The following CA10 variants were observed in gnomAD, a reference collection of about 807,000 sequenced individuals.
The protein encoded by CA10 is carbonic anhydrase 10 (inactive).
In CA10, 14 loss-of-function variants were observed where a neutral mutation model predicts 44.2. The observed-to-expected ratio is 0.32, with a 90% confidence interval of 0.21 to 0.50. CA10 has a LOEUF of 0.50. Among genes scored for constraint, CA10 ranks in the 20% least tolerant of loss-of-function variants. The probability of loss-of-function intolerance (pLI) is 0.99; values close to 1 mark genes in which losing one functional copy is unlikely to be tolerated. For missense variants in CA10, 350 were observed against 409.7 expected (o/e 0.85, Z 1.26); for synonymous variants, 159 against 141.6 (o/e 1.12, Z -0.87).
At chr17:51,825,170 C>T (rs139504471) in intron 3 of CA10, among the ~76,000 whole-genome samples, 25 of 152,340 alleles carry the variant, frequency 1.6e-4, no homozygotes, top group Non-Finnish European at 3.1e-4. Flanking sequence ...AGCCTCGCTG[C>T]ATTTTCCTGT....
At chr17:51,989,571 G>A (rs1984967747) in intron 2 of CA10, among the ~76,000 whole-genome samples, 1 of 152,058 alleles carries the variant, frequency 6.6e-6, no homozygotes, top group African/African-American at 2.4e-5. Flanking sequence ...ATCAGTGAGA[G>A]ACTGGATAAA....
At chr17:52,039,281 C>T (rs929774336) in intron 2 of CA10, among the ~76,000 whole-genome samples, 1 of 151,418 alleles carries the variant, frequency 6.6e-6, no homozygotes, top group Admixed American at 6.6e-5. Context: ...AGATTAAGTT[C>T]CTATTCTCAC....
At chr17:52,037,919 T>G (rs1986663404) in intron 2 of CA10, among the ~76,000 whole-genome samples, 5 of 152,194 alleles carry the variant, frequency 3.3e-5, no homozygotes, top group Admixed American at 2.6e-4. Flanking sequence ...ACTACTATCC[T>G]CTGGCCCAAA....
At chr17:51,667,657 T>C (rs1163774005) in intron 4 of CA10, among the ~76,000 whole-genome samples, 1 of 152,162 alleles carries the variant, frequency 6.6e-6, no homozygotes, top group African/African-American at 2.4e-5. Context: ...AGGATGCAGC[T>C]GATTCTTTTC....
intron 2 of CA10, among the ~76,000 whole-genome samples, chr17:52,011,483 A>G (rs1480879923): frequency 2.0e-5 from 3 of 152,088 alleles, no homozygotes; most frequent in Admixed American, 6.6e-5. Context: ...CCATCTTAAG[A>G]AGAAGTTATA....
rs1415037574 is a variant in CA10 at position 51,631,352 on chromosome 17, A to G, written c.*232T>C. 2 of 573,304 alleles carry G rather than the reference A, an allele frequency of 3.5e-6. No homozygotes were observed. Among genetic ancestry groups the G allele is most frequent in the Admixed American group, 3.4e-5 (1 of 29,828 alleles). The allele number at this position is 573,304 out of a possible 1,614,324, so 35.5% of individuals were successfully genotyped here. A position where few individuals can be genotyped will look rare whatever the true frequency, so the allele number is the denominator to read the frequency against. ...TGTGTGTGTGTGTAGGTATGTTTGC[A>G]TGTGTTTGTATGTATGTGCAAGTGC... On this transcript the variant is annotated 3_prime_UTR_variant, in exon 9 of 9. Coordinates refer to ENST00000451037, the MANE Select transcript of CA10 (RefSeq NM_020178.5).
intron 2 of CA10, among the ~76,000 whole-genome samples, chr17:51,932,910 TTA>T (rs1435030029): frequency 2.0e-5 from 3 of 152,074 alleles, no homozygotes; most frequent in Non-Finnish European, 2.9e-5. Flanking sequence ...CTACTTTTTT[TTA>T]AAAAAAACAC....
chr17:51,737,651 G>A (rs917087364), intron 4 of CA10, among the ~76,000 whole-genome samples: 1 of 152,154 alleles, frequency 6.6e-6, no homozygotes, highest in Non-Finnish European at 1.5e-5. Context: ...AAGTGGCAGA[G>A]AGGAGTGCTG....
chr17:51,632,942 A>C (rs1912649539), intron 8 of CA10, among the ~76,000 whole-genome samples: 1 of 152,160 alleles, frequency 6.6e-6, no homozygotes, highest in Admixed American at 6.5e-5. Context: ...ACACTCACAA[A>C]TTACCCCATT....
intron 4 of CA10, among the ~76,000 whole-genome samples, chr17:51,683,915 T>C (rs1314412935): frequency 1.3e-5 from 2 of 152,194 alleles, no homozygotes; most frequent in Non-Finnish European, 2.9e-5. Context: ...TCAGAGAACC[T>C]TCAGACTCCT....
At chr17:51,836,328 C>T (rs1908475640) in intron 3 of CA10, among the ~76,000 whole-genome samples, 1 of 152,206 alleles carries the variant, frequency 6.6e-6, no homozygotes, top group Non-Finnish European at 1.5e-5. Context: ...GATCTTTCTT[C>T]CAAAGACCCC....
In CA10 at chr17:51,671,401, T is replaced by TTTTGCA. The variant is rs1555582505; in HGVS notation, c.466-17666_466-17665insTGCAAA. On this transcript the variant is annotated intron_variant, in intron 4 of 8. Coordinates refer to ENST00000451037, the MANE Select transcript of CA10 (RefSeq NM_020178.5). ...CAGTTTCACACATTTGGGTCATTTTTTTTGTTTTTGTTTTTGTTTTTGAGA... is the reference window on the plus strand; with the variant it reads ...CAGTTTCACACATTTGGGTCATTTTTTTTGCATTTGTTTTTGTTTTTGTTTTTGAGA... Among the ~76,000 whole-genome samples the TTTTGCA allele has an allele frequency of 1.7e-3, 263 of 151,024 alleles. 2 individuals are homozygous for TTTTGCA. The highest frequency in any genetic ancestry group is 0.017 in the South Asian group (81 of 4,754).
chr17:52,056,686 A>G (rs1450097891), intron 2 of CA10, among the ~76,000 whole-genome samples: 1 of 151,980 alleles, frequency 6.6e-6, no homozygotes. Context: ...TCTGCTTGAC[A>G]AAAAGGAATA....
chr17:51,786,843 C>T (rs892993388), intron 3 of CA10, among the ~76,000 whole-genome samples: 3 of 150,164 alleles, frequency 2.0e-5, no homozygotes, highest in South Asian at 2.1e-4. Context: ...TGGTGAGGTA[C>T]GTTCTTTCTA....
chr17:51,985,175 G>C (rs1984786844), intron 2 of CA10, among the ~76,000 whole-genome samples: 2 of 151,914 alleles, frequency 1.3e-5, no homozygotes, highest in Non-Finnish European at 2.9e-5. Flanking sequence ...CCATGATCAA[G>C]TGGGTTTCAT....
intron 2 of CA10, among the ~76,000 whole-genome samples, chr17:51,954,865 A>T (rs1015969358): frequency 6.6e-6 from 1 of 152,196 alleles, no homozygotes; most frequent in African/African-American, 2.4e-5. Context: ...TCGAGGGATG[A>T]GGCTTCTTTC....
chr17:51,868,303 A>G (rs949511266), intron 3 of CA10, among the ~76,000 whole-genome samples: 2 of 152,148 alleles, frequency 1.3e-5, no homozygotes, highest in African/African-American at 4.8e-5. Context: ...GCTCCTTCTC[A>G]TAATGCTCAA....
intron 3 of CA10, among the ~76,000 whole-genome samples, chr17:51,920,055 T>C (rs1982167580): frequency 6.6e-6 from 1 of 152,220 alleles, no homozygotes; most frequent in African/African-American, 2.4e-5. Context: ...CATTCTCTCT[T>C]GTAGGAATTC....
Position 51,888,667 on chromosome 17 carries a change from T to A in CA10, c.279+42323A>T, listed in dbSNP as rs909041664. Among the ~76,000 whole-genome samples, 4 of 152,302 alleles carry A rather than the reference T, an allele frequency of 2.6e-5. No individual in the cohort carries two copies. In the East Asian group the frequency reaches 7.7e-4, roughly 29 times the overall value. ...TCTCTGGTAGGATGGGAGAGGAGTT[T>A]AAATAAATTCCAATTTGACCGTCTT... On this transcript the variant is annotated intron_variant, in intron 3 of 8. Transcript: ENST00000451037.
Sources: allele counts gnomAD v4.1 joint callset (sites outside exome capture counted in the v4.1 genomes callset), GRCh38; gene constraint gnomAD v4.1.1; transcripts MANE v1.5; gene names NCBI Gene and HGNC (gene_info 2026-07-23, HGNC 2026-07-21).